RFX3: variants seen among roughly 807,000 people sequenced by gnomAD.
RFX3 encodes the protein regulatory factor X3, also known as transcription factor RFX3.
A neutral mutation model predicts 98.6 loss-of-function variants in RFX3; 14 were observed. That is an observed-to-expected ratio of 0.14 (90% CI 0.09 to 0.22). The LOEUF (loss-of-function observed/expected upper bound fraction) is 0.22. Ranked by LOEUF, RFX3 falls within the 10% of genes least tolerant of loss-of-function variation. The pLI is 1.00. For synonymous variants in RFX3, 383 were observed against 328.4 expected (o/e 1.17, Z -1.80); for missense variants, 639 against 926.9 (o/e 0.69, Z 4.03).
At chr9:3,495,248 A>G (rs1025217481) in intron 1 of RFX3, among the ~76,000 whole-genome samples, 2 of 152,030 alleles carry the variant, frequency 1.3e-5, no homozygotes, top group Admixed American at 1.3e-4. Context: ...AAGAAAATTT[A>G]TGAAGCTAAT....
intron 4 of RFX3, among the ~76,000 whole-genome samples, chr9:3,309,903 G>A (rs912751205): frequency 1.3e-5 from 2 of 152,170 alleles, no homozygotes; most frequent in African/African-American, 4.8e-5. Context: ...GAGATTTAGA[G>A]GAGACGGAAT....
At chr9:3,392,427 A>T (rs889061837) in intron 2 of RFX3, among the ~76,000 whole-genome samples, 15 of 151,966 alleles carry the variant, frequency 9.9e-5, no homozygotes, top group South Asian at 6.2e-4. Flanking sequence ...GGAATTTTTT[A>T]AAAATTCCTG....
chr9:3,332,851 T>C (rs1329532263), intron 3 of RFX3, among the ~76,000 whole-genome samples: 2 of 152,204 alleles, frequency 1.3e-5, no homozygotes, highest in East Asian at 3.8e-4. Context: ...AAAGGCCCTT[T>C]CATTTTATTC....
Position 3,256,984 on chromosome 9 carries a change from A to G in RFX3, c.1814+7T>C. On this transcript the variant is annotated splice_region_variant and intron_variant, in intron 14 of 16. Coordinates refer to ENST00000617270, the MANE Select transcript of RFX3 (RefSeq NM_001282116.2). ...AGAAGAAAGCCTAGGAAAAACCTAG[A>G]TGATACCTGTAGAAAGACCATTTTA... 6.2e-7 allele frequency: 1 copy of G among 1,613,600 alleles called. No individual in the cohort carries two copies. The highest frequency in any genetic ancestry group is 1.7e-5 in the Admixed American group (1 of 60,020).
chr9:3,373,706 CAGG>C (rs1838107848), intron 2 of RFX3, among the ~76,000 whole-genome samples: 2 of 151,932 alleles, frequency 1.3e-5, no homozygotes, highest in African/African-American at 4.8e-5. Flanking sequence ...TTGCCAAAAG[CAGG>C]AGGACAAAAA....
intron 1 of RFX3, among the ~76,000 whole-genome samples, chr9:3,433,469 C>T (rs1479072218): frequency 6.6e-6 from 1 of 152,114 alleles, no homozygotes; most frequent in East Asian, 1.9e-4. Flanking sequence ...GTACATAATA[C>T]AGATAACATA....
rs1432711542 is a variant in RFX3 at position 3,323,043 on chromosome 9, CTA to C, written c.474+7214_474+7215del. The stretch of plus-strand genomic sequence containing the variant: ...TCTAAGTCCGTAGATTACAAAACTC[CTA>C]TGTCATGAAATTTACTGCCACCAAT... On this transcript the variant is annotated intron_variant, in intron 4 of 16. Transcript: ENST00000617270. Among the ~76,000 whole-genome samples the C allele has an allele frequency of 1.3e-5, 2 of 152,142 alleles. 1 individual carries two copies. The highest frequency in any genetic ancestry group is 3.9e-4 in the East Asian group (2 of 5,194).
At chr9:3,520,740 A>G (rs1217597917) in intron 1 of RFX3, among the ~76,000 whole-genome samples, 1 of 152,222 alleles carries the variant, frequency 6.6e-6, no homozygotes, top group Non-Finnish European at 1.5e-5. Flanking sequence ...CAGTGGCATG[A>G]TCATAGCCCA....
At chr9:3,347,090 G>C (rs1834518329) in intron 2 of RFX3, among the ~76,000 whole-genome samples, 1 of 152,154 alleles carries the variant, frequency 6.6e-6, no homozygotes. Flanking sequence ...GGAGGCCAAA[G>C]TGGGCAGATT....
chr9:3,407,902 G>C (rs56068300), intron 1 of RFX3, among the ~76,000 whole-genome samples: 5,969 of 152,194 alleles, frequency 0.039, 400 homozygotes, highest in African/African-American at 0.13. Flanking sequence ...AATACAGATA[G>C]GCTTGTTGGA....
At chr9:3,370,548 G>C (rs1375117908) in intron 2 of RFX3, among the ~76,000 whole-genome samples, 3 of 151,768 alleles carry the variant, frequency 2.0e-5, no homozygotes, top group Non-Finnish European at 2.9e-5. Context: ...TGGGATCGAG[G>C]GATGGGGAGG....
At chr9:3,298,085 T>C (rs1246181239) in intron 5 of RFX3, among the ~76,000 whole-genome samples, 1 of 151,718 alleles carries the variant, frequency 6.6e-6, no homozygotes, top group Non-Finnish European at 1.5e-5. Context: ...ATAAAAAAAT[T>C]AGAAACAAAA....
At chr9:3,284,494 TAC>T (rs1357733573) in intron 7 of RFX3, among the ~76,000 whole-genome samples, 2 of 151,822 alleles carry the variant, frequency 1.3e-5, no homozygotes, top group East Asian at 3.9e-4. Flanking sequence ...AAAAAACTGT[TAC>T]ACAGTCTCCT....
intron 1 of RFX3, among the ~76,000 whole-genome samples, chr9:3,399,053 G>T (rs1841208977): frequency 6.6e-6 from 1 of 151,164 alleles, no homozygotes; most frequent in Non-Finnish European, 1.5e-5. Flanking sequence ...GACTACATTT[G>T]ACTCCCCACT....
chr9:3,488,571 C>G (rs1364543963), intron 1 of RFX3, among the ~76,000 whole-genome samples: 1 of 152,120 alleles, frequency 6.6e-6, no homozygotes, highest in Non-Finnish European at 1.5e-5. Context: ...AGAGTTAGTA[C>G]TAAGTCCCTT....
chr9:3,347,878 C>T (rs985595406), intron 2 of RFX3, among the ~76,000 whole-genome samples: 2 of 152,136 alleles, frequency 1.3e-5, no homozygotes, highest in African/African-American at 2.4e-5. Context: ...TAAATATTTT[C>T]ATTTGTATTT....
At chr9:3,277,318 T>C in intron 8 of RFX3, 22 bp downstream of exon 8, 1 of 1,609,762 alleles carries the variant, frequency 6.2e-7, no homozygotes, top group Middle Eastern at 1.7e-4. Flanking sequence ...TAGCAACTAA[T>C]ATGCATTACA....
rs768127201 is a variant in RFX3 at position 3,225,149 on chromosome 9, C to T, written c.2143G>A (p.Gly715Ser). 2 of 1,613,866 alleles carry T rather than the reference C, an allele frequency of 1.2e-6. No homozygotes were observed. Among genetic ancestry groups the T allele is most frequent in the Admixed American group, 1.7e-5 (1 of 59,934 alleles). The change falls in exon 17 of 17, where the codon GGC becomes AGC. Residue 715 changes from glycine (G) to serine (S), a missense_variant. Gly to Ser is a moderately conservative substitution (Grantham distance 56). Transcript: ENST00000617270. ...GGATTCAGGAGGCTTGGTTGCACGCCAGTCTCGAGAACAGGCTGCATGCAG... is the reference window on the plus strand; with the variant it reads ...GGATTCAGGAGGCTTGGTTGCACGCTAGTCTCGAGAACAGGCTGCATGCAG... ...VGCMQPVLET[G>S]VQPSLLNPIH...
intron 4 of RFX3, among the ~76,000 whole-genome samples, chr9:3,319,223 T>A (rs10971407): frequency 6.6e-6 from 1 of 152,204 alleles, no homozygotes. Flanking sequence ...TGGGCACTTG[T>A]TGGAAATGCA....
Sources: allele counts gnomAD v4.1 joint callset (sites outside exome capture counted in the v4.1 genomes callset), GRCh38; gene constraint gnomAD v4.1.1; transcripts MANE v1.5; gene names NCBI Gene and HGNC (gene_info 2026-07-23, HGNC 2026-07-21).